Variants in ZNF821 observed in about 807,000 individuals in gnomAD.
The protein encoded by ZNF821 is zinc finger protein 821.
Under a neutral mutation model 44.3 loss-of-function variants are expected in ZNF821, and 16 were observed. The observed-to-expected ratio is 0.36, with a 90% CI of 0.24 to 0.55. The LOEUF (loss-of-function observed/expected upper bound fraction) is 0.55. Among genes scored for constraint, ZNF821 ranks in the 20% least tolerant of loss-of-function variants. The pLI is 0.86. For missense variants in ZNF821, 436 were observed against 547.6 expected (o/e 0.80, Z 2.03); for synonymous variants, 204 against 197.6 (o/e 1.03, Z -0.27).
At chr16:71,876,465 A>C (rs1451101952) in intron 3 of ZNF821, among the ~76,000 whole-genome samples, 2 of 152,012 alleles carry the variant, frequency 1.3e-5, no homozygotes, top group East Asian at 3.9e-4. Flanking sequence ...TCGGCCTCCC[A>C]AAGTGCTGGG....
intron 1 of ZNF821, chr16:71,894,625 A>T: frequency 1.9e-6 from 1 of 517,638 alleles, no homozygotes. Flanking sequence ...TTCTGGGCTC[A>T]AGCGATCTTC....
At chr16:71,867,484 C>T (rs1020501933) in intron 4 of ZNF821, among the ~76,000 whole-genome samples, 1 of 151,956 alleles carries the variant, frequency 6.6e-6, no homozygotes, top group Non-Finnish European at 1.5e-5. Context: ...GTCAGGAGTT[C>T]GATACCAGCC....
chr16:71,894,985 C>A (rs2036932710), exon 1 of ZNF821: 1 of 681,036 alleles, frequency 1.5e-6, no homozygotes, highest in South Asian at 1.7e-5. Context: ...CAAAGGGCAA[C>A]CGGACGGCTT....
Position 71,860,390 on chromosome 16 carries a change from G to A in ZNF821, c.867C>T (p.Thr289=), listed in dbSNP as rs144936410. Residue 289 remains threonine (T), a synonymous_variant, in exon 8 of 8, where the codon ACC becomes ACT. Transcript: ENST00000425432. The surrounding 1 kb of genome is among the most constrained non-coding windows in gnomAD (Gnocchi z 7.3). ...TGCGCCTCACCTCCCGCTCCTCGGG[G>A]GTCTCATTGTCCCGCCGGCTCTTCT... ...TAKKSRRDNE[T]PEEREVRRMR... 1.4e-3 allele frequency: 2,231 copies of A among 1,612,254 alleles called. 2 individuals are homozygous for A. The highest frequency in any genetic ancestry group is 1.8e-3 in the Middle Eastern group (11 of 6,062).
intron 3 of ZNF821, among the ~76,000 whole-genome samples, chr16:71,875,788 A>G (rs188540056): frequency 3.4e-4 from 52 of 152,210 alleles, no homozygotes; most frequent in Non-Finnish European, 6.0e-4. Context: ...TAGTAGAGAC[A>G]GGGTTTCACC....
chr16:71,887,527 C>T (rs576797011), upstream of ZNF821, among the ~76,000 whole-genome samples: 54 of 152,200 alleles, frequency 3.5e-4, no homozygotes, highest in Non-Finnish European at 6.3e-4. Flanking sequence ...TCCCAAAGTG[C>T]TGGGATTACA....
chr16:71,864,484 C>T (rs182010990), intron 5 of ZNF821, among the ~76,000 whole-genome samples: 230 of 152,316 alleles, frequency 1.5e-3, no homozygotes, highest in Admixed American at 2.9e-3. Flanking sequence ...ATAAACTCTG[C>T]AGACAGGGGT....
chr16:71,879,509 A>G (rs1311207625), intron 3 of ZNF821, among the ~76,000 whole-genome samples: 2 of 152,100 alleles, frequency 1.3e-5, no homozygotes, highest in African/African-American at 4.8e-5. Flanking sequence ...GGCAATTAGC[A>G]TATACTATCA....
At chr16:71,892,316 G>C (rs528338597) in intron 1 of ZNF821, among the ~76,000 whole-genome samples, 1 of 151,104 alleles carries the variant, frequency 6.6e-6, no homozygotes, top group East Asian at 2.0e-4. Context: ...ACCCAGGCTG[G>C]AGGGCAGGGG....
In ZNF821 at chr16:71,859,878, G is replaced by A. The variant is rs1181112470; in HGVS notation, c.*140C>T. The A allele has an allele frequency of 1.0e-6, 1 of 970,204 alleles. No individual in the cohort carries two copies. The highest frequency in any genetic ancestry group is 1.6e-5 in the African/African-American group (1 of 60,858). The allele number at this position is 970,204 out of a possible 1,614,324, so 60.1% of individuals were successfully genotyped here. ...TGTTCCCATATGCAAGGGCTGCTCA[G>A]GTCCACCTGCAATAAACCCAGGCCT... On this transcript the variant is annotated 3_prime_UTR_variant, in exon 8 of 8. Coordinates refer to ENST00000425432, the MANE Select transcript of ZNF821 (RefSeq NM_001201552.2).
intron 3 of ZNF821, among the ~76,000 whole-genome samples, chr16:71,876,115 C>G (rs1372987412): frequency 1.3e-5 from 2 of 152,216 alleles, no homozygotes; most frequent in Admixed American, 1.3e-4. Context: ...GGTGAACACC[C>G]AACTCCTATA....
rs1177009994 is a variant in ZNF821 at position 71,879,964 on chromosome 16, G to C, written c.-18C>G. 2 of 1,611,716 alleles carry C rather than the reference G, an allele frequency of 1.2e-6. No homozygotes were observed. The highest frequency in any genetic ancestry group is 1.3e-5 in the African/African-American group (1 of 74,812). ...CGGGACATGTTTCCCTGATGCAAGA[G>C]CTCTGGTCTTTCCCAGTTTCACGAC... On this transcript the variant is annotated 5_prime_UTR_variant, in exon 3 of 8. Coordinates refer to ENST00000425432, the MANE Select transcript of ZNF821 (RefSeq NM_001201552.2).
At chr16:71,865,771 A>G (rs1040192258) in intron 4 of ZNF821, among the ~76,000 whole-genome samples, 1 of 152,170 alleles carries the variant, frequency 6.6e-6, no homozygotes, top group South Asian at 2.1e-4. Context: ...GATTATCTCA[A>G]TGGGTAACCG....
At chr16:71,890,925 CA>C (rs1483226370) in intron 1 of ZNF821, among the ~76,000 whole-genome samples, 1 of 152,040 alleles carries the variant, frequency 6.6e-6, no homozygotes, top group South Asian at 2.1e-4. Context: ...GCGCCCGCAC[CA>C]CGCCCAGCTA....
At chr16:71,886,518 C>G (rs897050437), upstream of ZNF821, among the ~76,000 whole-genome samples, 2 of 152,096 alleles carry the variant, frequency 1.3e-5, no homozygotes, top group African/African-American at 4.8e-5. Context: ...ATCATTTTGC[C>G]ACTTCAACTA....
intron 2 of ZNF821, 90 bp downstream of exon 2, chr16:71,883,121 T>C: frequency 2.2e-6 from 1 of 456,296 alleles, no homozygotes; most frequent in South Asian, 1.5e-5. Context: ...CCACAGGTAT[T>C]AGGTTGCAGC....
upstream of ZNF821, among the ~76,000 whole-genome samples, chr16:71,887,346 A>G (rs1017001724): frequency 1.5e-5 from 2 of 135,796 alleles, no homozygotes; most frequent in African/African-American, 5.7e-5. Context: ...TGCAAGCTCC[A>G]CCTCCTGAGT....
At chr16:71,883,370 G>T (rs927087608) in intron 1 of ZNF821, 97 bp from the exon 2 acceptor site, 13 of 364,362 alleles carry the variant, frequency 3.6e-5, no homozygotes, top group African/African-American at 2.8e-4. Context: ...AATCAGCCGA[G>T]ATGGTCCCTC....
At chr16:71,888,538 C>G (rs2036870483), upstream of ZNF821, among the ~76,000 whole-genome samples, 1 of 152,096 alleles carries the variant, frequency 6.6e-6, no homozygotes, top group Non-Finnish European at 1.5e-5. Flanking sequence ...TGTTCTTTCC[C>G]CCTTTGAATT....
Sources: allele counts gnomAD v4.1 joint callset (sites outside exome capture counted in the v4.1 genomes callset), GRCh38; gene constraint gnomAD v4.1.1; non-coding constraint Gnocchi (gnomAD v3.1); transcripts MANE v1.5; gene names NCBI Gene and HGNC (gene_info 2026-07-23, HGNC 2026-07-21).